The following SMAD5 variants were observed in gnomAD, a reference collection of about 807,000 sequenced individuals.
SMAD5 encodes the protein MAD, mothers against decapentaplegic homolog 5.
SMAD5 carries 9 observed loss-of-function variants against 43.1 expected under a neutral mutation model. The observed-to-expected ratio is 0.21, with a 90% confidence interval of 0.13 to 0.36. The LOEUF (loss-of-function observed/expected upper bound fraction) is 0.36. Among genes scored for constraint, SMAD5 ranks in the 10% least tolerant of loss-of-function variants. The pLI, the probability that SMAD5 is intolerant of heterozygous loss-of-function variation, is 1.00. For missense variants in SMAD5, 348 were observed against 574.0 expected, an observed-to-expected ratio of 0.61 and a Z score of 4.02; for synonymous variants, 190 against 192.4, an observed-to-expected ratio of 0.99 and a Z score of 0.10.
intron 5 of SMAD5, among the ~76,000 whole-genome samples, chr5:136,171,282 C>A (rs1218065063): frequency 1.3e-5 from 2 of 152,138 alleles, no homozygotes; most frequent in African/African-American, 2.4e-5. Flanking sequence ...TTTACAGATA[C>A]TGATTATAGT....
chr5:136,140,266 G>C (rs1473221482), intron 1 of SMAD5, among the ~76,000 whole-genome samples: 1 of 151,972 alleles, frequency 6.6e-6, no homozygotes, highest in Admixed American at 6.6e-5. Flanking sequence ...CAGGTAATTT[G>C]CCCACCTCGG....
intron 5 of SMAD5, among the ~76,000 whole-genome samples, chr5:136,165,960 A>G (rs1400491283): frequency 6.6e-6 from 1 of 151,906 alleles, no homozygotes; most frequent in African/African-American, 2.4e-5. Flanking sequence ...TTACTGGATT[A>G]CATGGTAATT....
At position 136,180,600 on chromosome 5, in the gene SMAD5, T is replaced by C. The variant is rs1047797961; in HGVS notation, c.*3120T>C. ...GAAATGTAAACTAGTAGGCGTGTTATTGATCTGCTAAAACTAACCCTCTTT... is the reference window on the plus strand; with the variant it reads ...GAAATGTAAACTAGTAGGCGTGTTACTGATCTGCTAAAACTAACCCTCTTT... On this transcript the variant is annotated 3_prime_UTR_variant, in exon 8 of 8. Transcript: ENST00000545279. The C allele has an allele frequency of 2.6e-5, 4 of 152,182 alleles. No individual in the cohort carries two copies. The highest frequency in any genetic ancestry group is 6.5e-5 in the Admixed American group (1 of 15,282). The allele number at this position is 152,182 out of a possible 1,614,324, so 9.4% of individuals were successfully genotyped here. A position where few individuals can be genotyped will look rare whatever the true frequency, so the allele number is the denominator to read the frequency against.
intron 5 of SMAD5, among the ~76,000 whole-genome samples, chr5:136,169,294 A>G (rs1754135152): frequency 1.3e-5 from 2 of 152,168 alleles, no homozygotes; most frequent in Admixed American, 1.3e-4. Flanking sequence ...GCTTTATCCT[A>G]GCCACGCTGG....
rs753897130 is a variant in SMAD5 at position 136,160,838 on chromosome 5, T to C, written c.404-18T>C. The stretch of plus-strand genomic sequence containing the variant: ...TTTAGTCATTCCTGACAAATGACTT[T>C]TGATTTTTGTTTTTCAGTCTTACCT... On this transcript the variant is annotated intron_variant, in intron 3 of 7. Coordinates refer to ENST00000545279, the MANE Select transcript of SMAD5 (RefSeq NM_005903.7). 2.0e-5 allele frequency: 32 copies of C among 1,611,854 alleles called. No homozygotes were observed. The highest frequency in any genetic ancestry group is 8.3e-5 in the Admixed American group (5 of 59,934).
intron 3 of SMAD5, among the ~76,000 whole-genome samples, chr5:136,155,046 A>G (rs191576883): frequency 3.9e-4 from 59 of 152,264 alleles, no homozygotes; most frequent in African/African-American, 1.3e-3. Flanking sequence ...ATGCTGTCAC[A>G]TGTCTTAAGA....
intron 5 of SMAD5, among the ~76,000 whole-genome samples, chr5:136,166,018 T>G (rs1753998379): frequency 6.6e-6 from 1 of 152,120 alleles, no homozygotes; most frequent in East Asian, 1.9e-4. Context: ...CCACAGTGGA[T>G]GTACCATTTT....
chr5:136,174,340 C>A, intron 6 of SMAD5, 36 bp from the exon 7 acceptor site: 2 of 1,599,468 alleles, frequency 1.3e-6, no homozygotes, highest in Non-Finnish European at 8.6e-7. Flanking sequence ...TGTAATGATT[C>A]TTTTAGCTGA....
intron 2 of SMAD5, among the ~76,000 whole-genome samples, chr5:136,149,792 T>C (rs1186250464): frequency 6.6e-6 from 1 of 151,896 alleles, no homozygotes; most frequent in African/African-American, 2.4e-5. Context: ...AATAATTTCA[T>C]CAAAAGTGCT....
intron 5 of SMAD5, 111 bp downstream of exon 5, chr5:136,163,502 T>G: frequency 3.2e-6 from 3 of 933,216 alleles, no homozygotes; most frequent in Admixed American, 3.7e-5. Context: ...TATAAAATTT[T>G]TTTGTTTTAA....
Position 136,138,780 on chromosome 5 carries a change from A to G in SMAD5, c.-245+5818A>G, listed in dbSNP as rs182155379. Among the ~76,000 whole-genome samples, 145 of 152,256 alleles carry G rather than the reference A, an allele frequency of 9.5e-4. 1 individual carries two copies. Among genetic ancestry groups the G allele is most frequent in the African/African-American group, 3.4e-3 (142 of 41,554 alleles). The stretch of plus-strand genomic sequence containing the variant: ...GCACCTTGGTTCCCAAGCCTCCTGC[A>G]TGGTCCGAGATTCTTGTTAAAAATG... On this transcript the variant is annotated intron_variant, in intron 1 of 7. Transcript: ENST00000545279.
intron 6 of SMAD5, chr5:136,172,935 A>C (rs1053612307): frequency 2.4e-6 from 1 of 411,202 alleles, no homozygotes; most frequent in African/African-American, 2.0e-5. Flanking sequence ...CTGTACAGGA[A>C]CTTGCTTTGT....
chr5:136,151,750 G>A (rs1248765282), intron 2 of SMAD5, among the ~76,000 whole-genome samples: 3 of 151,922 alleles, frequency 2.0e-5, no homozygotes, highest in African/African-American at 7.3e-5. Context: ...AGTCAGCCAG[G>A]CCTGTCTCTT....
chr5:136,148,853 T>G (rs979273675), intron 2 of SMAD5, among the ~76,000 whole-genome samples: 3 of 151,904 alleles, frequency 2.0e-5, no homozygotes, highest in African/African-American at 7.2e-5. Flanking sequence ...GGACTGATTT[T>G]ATAAGTGATC....
At chr5:136,151,914 A>T (rs1227021554) in intron 2 of SMAD5, among the ~76,000 whole-genome samples, 1 of 152,134 alleles carries the variant, frequency 6.6e-6, no homozygotes, top group Non-Finnish European at 1.5e-5. Flanking sequence ...TCCTTGATGT[A>T]GATGCAACTG....
chr5:136,172,307 G>A, intron 5 of SMAD5, 127 bp from the exon 6 acceptor site: 1 of 595,842 alleles, frequency 1.7e-6, no homozygotes, highest in Non-Finnish European at 3.0e-6. Flanking sequence ...GAAGGACAGT[G>A]AGACTTGTGA....
intron 4 of SMAD5, among the ~76,000 whole-genome samples, chr5:136,163,011 A>C (rs190507382): frequency 6.6e-6 from 1 of 152,322 alleles, no homozygotes; most frequent in East Asian, 1.9e-4. Flanking sequence ...ATTCTGTTTC[A>C]GTGAATTTTA....
rs530047401 is a variant in SMAD5, at chr5:136,149,213, G to T, written c.-170+1307G>T. Among the ~76,000 whole-genome samples the T allele has an allele frequency of 7.2e-5, 11 of 151,898 alleles. No individual in the cohort carries two copies. In the East Asian group the frequency reaches 2.1e-3, roughly 29 times the overall value. Reference sequence around the variant, plus strand: ...ATTCCATTTTATGAATTTATTACCAGTATTTACCCACTCTACTGCTGATGA... The same window carrying T: ...ATTCCATTTTATGAATTTATTACCATTATTTACCCACTCTACTGCTGATGA... On this transcript the variant is annotated intron_variant, in intron 2 of 7. Coordinates refer to ENST00000545279, the MANE Select transcript of SMAD5 (RefSeq NM_005903.7).
chr5:136,153,762 T>TGACGTC lies in SMAD5; in HGVS notation c.3_8dup (p.Thr2_Ser3dup). ...AAGGTCTCCGAAGATTTGTGTCAAATGACGTCAATGGCCAGCTTGTTTTCT... is the reference window on the plus strand; with the variant it reads ...AAGGTCTCCGAAGATTTGTGTCAAATGACGTCGACGTCAATGGCCAGCTTGTTTTCT... On this transcript the variant is annotated inframe_insertion, in exon 3 of 8. Coordinates refer to ENST00000545279, the MANE Select transcript of SMAD5 (RefSeq NM_005903.7). 1 of 1,602,528 alleles carries TGACGTC rather than the reference T, an allele frequency of 6.2e-7. No homozygotes were observed. The highest frequency in any genetic ancestry group is 8.5e-7 in the Non-Finnish European group (1 of 1,174,174).
Sources: allele counts gnomAD v4.1 joint callset (sites outside exome capture counted in the v4.1 genomes callset), GRCh38; gene constraint gnomAD v4.1.1; transcripts MANE v1.5; gene names NCBI Gene and HGNC (gene_info 2026-07-23, HGNC 2026-07-21).